TMEM266: variants seen among roughly 807,000 people sequenced by gnomAD.
The protein encoded by TMEM266 is Hv1 related protein 1.
In TMEM266, 33 loss-of-function variants were observed where a neutral mutation model predicts 50.5. The ratio of observed to expected loss-of-function variants is 0.65; its 90% CI spans 0.50 to 0.87. The LOEUF (loss-of-function observed/expected upper bound fraction) is 0.87, where lower values mean the gene tolerates loss of function less well. TMEM266 is among the 40% of genes least tolerant of loss of function. The pLI is 0.00. For missense variants in TMEM266, 655 were observed against 695.1 expected (o/e 0.94, Z 0.65); for synonymous variants, 310 against 292.3 (o/e 1.06, Z -0.62).
chr15:76,173,374 G>T (rs548125317), intron 7 of TMEM266, among the ~76,000 whole-genome samples: 9 of 152,282 alleles, frequency 5.9e-5, no homozygotes, highest in Admixed American at 5.2e-4. Flanking sequence ...GTTTCGAGGG[G>T]TGCGGGAACA....
At chr15:76,184,459 T>C (rs1455437776) in intron 8 of TMEM266, among the ~76,000 whole-genome samples, 1 of 152,238 alleles carries the variant, frequency 6.6e-6, no homozygotes, top group East Asian at 1.9e-4. Flanking sequence ...ATCATTAGTT[T>C]GCAACTGTCT....
chr15:76,204,022 G>A lies in TMEM266; in HGVS notation c.1303G>A (p.Val435Met), dbSNP rs1460373618. The stretch of plus-strand genomic sequence containing the variant: ...CCCGCCGCTGCCATCCCAGCAGCAG[G>A]TGGAGGAGGCCACAGTCCAGGACCT... The change falls in exon 11 of 11, where the codon GTG (valine) becomes ATG (methionine). Residue 435 changes from valine (V) to methionine (M), a missense_variant. Transcript: ENST00000388942. 13 of 1,609,886 alleles carry A rather than the reference G, an allele frequency of 8.1e-6. No homozygotes were observed. The highest frequency in any genetic ancestry group is 2.2e-5 in the East Asian group (1 of 44,716).
intron 1 of TMEM266, among the ~76,000 whole-genome samples, chr15:76,109,763 A>G (rs2037139658): frequency 7.1e-6 from 1 of 141,016 alleles, no homozygotes; most frequent in Non-Finnish European, 1.5e-5. Context: ...AGGCTGGAGT[A>G]CAGTGGTGTG....
intron 3 of TMEM266, among the ~76,000 whole-genome samples, chr15:76,138,810 C>T (rs2037632651): frequency 6.6e-6 from 1 of 152,248 alleles, no homozygotes; most frequent in Non-Finnish European, 1.5e-5. Context: ...TCCCAATTCA[C>T]TTCTCATTAG....
intron 1 of TMEM266, among the ~76,000 whole-genome samples, chr15:76,130,309 G>A (rs540180662): frequency 4.7e-5 from 7 of 148,926 alleles, no homozygotes; most frequent in Middle Eastern, 3.5e-3. Context: ...AGGCCGAGGC[G>A]GTTGGCTCAC....
chr15:76,199,836 G>A (rs1350040706), intron 9 of TMEM266, among the ~76,000 whole-genome samples: 1 of 151,756 alleles, frequency 6.6e-6, no homozygotes, highest in Non-Finnish European at 1.5e-5. Context: ...GGAAACCAGG[G>A]AGGGGTAGAG....
Position 76,204,411 on chromosome 15 carries a change from A to T in TMEM266, c.*96A>T. 8.0e-7 allele frequency: 1 copy of T among 1,247,696 alleles called. No individual in the cohort carries two copies. The highest frequency in any genetic ancestry group is 1.1e-6 in the Non-Finnish European group (1 of 903,340). The allele number at this position is 1,247,696 out of a possible 1,614,324, so 77.3% of individuals were successfully genotyped here. On this transcript the variant is annotated 3_prime_UTR_variant, in exon 11 of 11. Coordinates refer to ENST00000388942, the MANE Select transcript of TMEM266 (RefSeq NM_152335.3). ...CCAAGGGCCACACGCGGGGCCCAGG[A>T]GCCCACCTGGCCTCCCTCAGGGTGC...
chr15:76,096,399 T>C (rs2036920803), intron 1 of TMEM266, among the ~76,000 whole-genome samples: 1 of 152,084 alleles, frequency 6.6e-6, no homozygotes, highest in Admixed American at 6.5e-5. Context: ...GGTTGTTCAG[T>C]TTCCATGTAG....
intron 9 of TMEM266, among the ~76,000 whole-genome samples, chr15:76,196,882 G>A (rs1269257522): frequency 1.3e-5 from 2 of 152,234 alleles, no homozygotes; most frequent in East Asian, 3.8e-4. Flanking sequence ...TCCAGGCTTT[G>A]GGGCCTGCCA....
chr15:76,160,207 G>A lies in TMEM266; in HGVS notation c.456+39G>A. 2 of 1,583,580 alleles carry A rather than the reference G, an allele frequency of 1.3e-6. No homozygotes were observed. Among genetic ancestry groups the A allele is most frequent in the Non-Finnish European group, 1.7e-6 (2 of 1,152,468 alleles). On this transcript the variant is annotated intron_variant, in intron 5 of 10. Coordinates refer to ENST00000388942, the MANE Select transcript of TMEM266 (RefSeq NM_152335.3). The surrounding 1 kb of genome is among the most constrained non-coding windows in gnomAD (Gnocchi z 5.7). ...CTGGCCCTGTCACCTCCTCTGTTGG[G>A]TGACTCCTGTCCTGGGGAAACCAAG...
At chr15:76,148,716 T>TCCCCCCCCC (rs199917440) in intron 3 of TMEM266, among the ~76,000 whole-genome samples, 15 of 138,100 alleles carry the variant, frequency 1.1e-4, no homozygotes, top group African/African-American at 1.4e-4. Flanking sequence ...TGGCAGTTTG[T>TCCCCCCCCC]CCACCCCTTC....
intron 1 of TMEM266, among the ~76,000 whole-genome samples, chr15:76,079,887 T>C (rs976032745): frequency 4.0e-5 from 6 of 151,768 alleles, no homozygotes; most frequent in Non-Finnish European, 7.4e-5. Context: ...GGTCGTAAGT[T>C]TGGAAAAGAT....
chr15:76,192,782 A>C (rs1023626772), intron 9 of TMEM266, among the ~76,000 whole-genome samples: 1 of 152,176 alleles, frequency 6.6e-6, no homozygotes, highest in African/African-American at 2.4e-5. Flanking sequence ...CAGTTATGTG[A>C]TGGGACTCTC....
chr15:76,174,773 A>T (rs2038247240), intron 7 of TMEM266: 1 of 152,208 alleles, frequency 6.6e-6, no homozygotes, highest in African/African-American at 2.4e-5. Context: ...GAATCATGTG[A>T]CGTGGTTTTT....
At chr15:76,152,580 C>T (rs996845647) in intron 3 of TMEM266, among the ~76,000 whole-genome samples, 2 of 152,194 alleles carry the variant, frequency 1.3e-5, no homozygotes, top group African/African-American at 4.8e-5. Flanking sequence ...GTTTCTCATA[C>T]TGGAGGTACT....
chr15:76,102,481 C>A lies in TMEM266; in HGVS notation c.-96-31687C>A, dbSNP rs146158384. On this transcript the variant is annotated intron_variant, in intron 1 of 10. Transcript: ENST00000388942. Reference sequence around the variant, plus strand: ...ATGAGAGAATGTAAGCCATGGACACCTGAGAGAAGAGCATTCCAGGTGGAG... The same window carrying A: ...ATGAGAGAATGTAAGCCATGGACACATGAGAGAAGAGCATTCCAGGTGGAG... Among the ~76,000 whole-genome samples the A allele has an allele frequency of 2.7e-3, 412 of 152,092 alleles. 2 individuals carry two copies. The highest frequency in any genetic ancestry group is 8.7e-3 in the African/African-American group (363 of 41,492).
At chr15:76,141,918 TTC>T (rs1229554849) in intron 3 of TMEM266, among the ~76,000 whole-genome samples, 3 of 152,220 alleles carry the variant, frequency 2.0e-5, no homozygotes, top group Non-Finnish European at 4.4e-5. Context: ...GTGTCAGAAT[TTC>T]TTTCCTTTTT....
chr15:76,111,695 A>G (rs1402544394), intron 1 of TMEM266, among the ~76,000 whole-genome samples: 2 of 152,356 alleles, frequency 1.3e-5, no homozygotes, highest in East Asian at 3.9e-4. Context: ...GGCATGCGCC[A>G]CCATGCCCGG....
intron 1 of TMEM266, among the ~76,000 whole-genome samples, chr15:76,091,923 C>A (rs995652523): frequency 3.3e-5 from 5 of 151,768 alleles, no homozygotes; most frequent in Non-Finnish European, 1.5e-5. Context: ...CCCAGGAGGT[C>A]AAGACTGCAG....
Sources: gnomAD v4.1 joint callset for allele counts (sites outside exome capture counted in the v4.1 genomes callset) on GRCh38, gnomAD v4.1.1 for gene constraint, Gnocchi (gnomAD v3.1) non-coding constraint, MANE v1.5 for transcripts, NCBI Gene and HGNC (gene_info 2026-07-23, HGNC 2026-07-21) for gene names.